The following ARMH3 variants were observed in gnomAD, a reference collection of about 807,000 sequenced individuals.
ARMH3 encodes armadillo-like helical domain-containing protein 3.
Under a neutral mutation model 99.1 loss-of-function variants are expected in ARMH3, and 60 were observed. The ratio of observed to expected loss-of-function variants is 0.61; its 90% confidence interval spans 0.49 to 0.75. ARMH3 has a LOEUF of 0.75. Ranked by LOEUF, ARMH3 falls within the 30% of genes least tolerant of loss-of-function variation. ARMH3 has a pLI of 0.00. For synonymous variants in ARMH3, 285 were observed against 292.8 expected, an observed-to-expected ratio of 0.97 and a Z score of 0.27; for missense variants, 679 against 843.1, an observed-to-expected ratio of 0.81 and a Z score of 2.41.
chr10:101,858,996 T>C (rs571163657), intron 24 of ARMH3, among the ~76,000 whole-genome samples: 4 of 152,342 alleles, frequency 2.6e-5, no homozygotes, highest in African/African-American at 9.6e-5. Flanking sequence ...CCTTCTGCAC[T>C]GTTCTCAGCA....
intron 24 of ARMH3, among the ~76,000 whole-genome samples, chr10:101,879,594 C>A (rs185215720): frequency 2.0e-5 from 3 of 152,152 alleles, no homozygotes; most frequent in Admixed American, 2.0e-4. Flanking sequence ...CCAGTTGATC[C>A]GCCCACCTCG....
At chr10:101,925,414 C>G (rs1229840588) in intron 23 of ARMH3, among the ~76,000 whole-genome samples, 1 of 152,122 alleles carries the variant, frequency 6.6e-6, no homozygotes, top group Non-Finnish European at 1.5e-5. Flanking sequence ...CATAGTATGT[C>G]AGAGATTTTG....
chr10:101,945,878 T>C (rs537724196), intron 22 of ARMH3, among the ~76,000 whole-genome samples: 7 of 151,588 alleles, frequency 4.6e-5, no homozygotes, highest in African/African-American at 1.7e-4. Context: ...AGGTCAGGAA[T>C]TCGAGACCAA....
chr10:102,038,681 A>G (rs1007430214), intron 2 of ARMH3, among the ~76,000 whole-genome samples: 63 of 152,130 alleles, frequency 4.1e-4, no homozygotes, highest in Non-Finnish European at 7.2e-4. Context: ...GAACTCCTCT[A>G]TATTTAGTGA....
At chr10:102,048,253 A>G (rs1197975298) in intron 1 of ARMH3, among the ~76,000 whole-genome samples, 1 of 152,174 alleles carries the variant, frequency 6.6e-6, no homozygotes, top group Non-Finnish European at 1.5e-5. Context: ...CCATTTCCCC[A>G]TATGTGAAAG....
At chr10:101,930,058 G>A (rs1205477055) in intron 23 of ARMH3, among the ~76,000 whole-genome samples, 1 of 152,122 alleles carries the variant, frequency 6.6e-6, no homozygotes, top group African/African-American at 2.4e-5. Context: ...CAGATTTTCA[G>A]ATCTGAGATG....
intron 1 of ARMH3, among the ~76,000 whole-genome samples, chr10:102,040,460 A>G (rs900311473): frequency 2.6e-5 from 4 of 152,228 alleles, no homozygotes; most frequent in Non-Finnish European, 5.9e-5. Flanking sequence ...AAAGAAAGCC[A>G]GTCAGTGCCA....
intron 24 of ARMH3, among the ~76,000 whole-genome samples, chr10:101,855,355 C>T (rs1243328105): frequency 6.6e-6 from 1 of 151,026 alleles, no homozygotes. Context: ...GCGTGAGCCA[C>T]CACGCCCAGC....
intron 22 of ARMH3, among the ~76,000 whole-genome samples, chr10:101,941,208 G>T (rs965945028): frequency 2.0e-5 from 3 of 152,128 alleles, no homozygotes; most frequent in Admixed American, 2.0e-4. Context: ...GAAGCCAATG[G>T]TCAGGGTCCA....
chr10:101,875,454 T>C (rs1484814719), intron 24 of ARMH3, among the ~76,000 whole-genome samples: 2 of 152,228 alleles, frequency 1.3e-5, no homozygotes, highest in Admixed American at 1.3e-4. Flanking sequence ...ATAGTTGTTC[T>C]GCCTTTTAAA....
chr10:101,956,759 G>A (rs1845059652), intron 21 of ARMH3, 36 bp from the exon 22 acceptor site: 1 of 1,601,996 alleles, frequency 6.2e-7, no homozygotes, highest in Non-Finnish European at 8.5e-7. Flanking sequence ...ATAGGCATCA[G>A]GCTATGAAGA....
chr10:101,853,241 AG>A (rs1457970906), intron 24 of ARMH3, among the ~76,000 whole-genome samples: 3 of 151,748 alleles, frequency 2.0e-5, no homozygotes, highest in Non-Finnish European at 4.4e-5. Flanking sequence ...CTTATACCTG[AG>A]GAAAGTTGCC....
chr10:101,851,517 G>A (rs1234844822), intron 24 of ARMH3, among the ~76,000 whole-genome samples: 1 of 152,160 alleles, frequency 6.6e-6, no homozygotes, highest in Non-Finnish European at 1.5e-5. Context: ...GGGGGTTGGG[G>A]GTTGGGAAGA....
At chr10:102,049,281 C>T (rs545468887) in intron 1 of ARMH3, among the ~76,000 whole-genome samples, 6 of 152,190 alleles carry the variant, frequency 3.9e-5, no homozygotes, top group Non-Finnish European at 8.8e-5. Context: ...GTGGCTCACG[C>T]CTGTAATCCC....
intron 5 of ARMH3, among the ~76,000 whole-genome samples, chr10:102,026,445 C>G (rs2067003454): frequency 6.6e-6 from 1 of 152,160 alleles, no homozygotes; most frequent in Admixed American, 6.5e-5. Context: ...GAAATATACA[C>G]AGAGGAATGG....
chr10:101,900,744 C>T (rs1479816421), intron 23 of ARMH3, among the ~76,000 whole-genome samples: 2 of 152,156 alleles, frequency 1.3e-5, no homozygotes, highest in East Asian at 1.9e-4. Flanking sequence ...CACTTTGGGA[C>T]GCCCAGGTGG....
chr10:101,888,001 G>C (rs1391552343), intron 24 of ARMH3, among the ~76,000 whole-genome samples: 1 of 150,362 alleles, frequency 6.7e-6, no homozygotes, highest in Non-Finnish European at 1.5e-5. Context: ...ATTTCAGCTT[G>C]ACCTTCCCAA....
chr10:101,952,943 C>A (rs540902387), intron 22 of ARMH3, among the ~76,000 whole-genome samples: 2 of 152,324 alleles, frequency 1.3e-5, no homozygotes, highest in East Asian at 3.9e-4. Flanking sequence ...TTTCACTTAG[C>A]ACAATATCCT....
intron 23 of ARMH3, among the ~76,000 whole-genome samples, chr10:101,893,538 G>A (rs1415804396): frequency 6.6e-6 from 1 of 152,068 alleles, no homozygotes; most frequent in African/African-American, 2.4e-5. Context: ...AGCCACCGGG[G>A]CAACCCAGTG....
Sources: gnomAD v4.1 joint callset for allele counts (sites outside exome capture counted in the v4.1 genomes callset) on GRCh38, gnomAD v4.1.1 for gene constraint, MANE v1.5 for transcripts, NCBI Gene and HGNC (gene_info 2026-07-23, HGNC 2026-07-21) for gene names.